SEC62: variants seen among roughly 807,000 people sequenced by gnomAD.
SEC62 encodes the protein translocation protein SEC62.
Under a neutral mutation model 47.5 loss-of-function variants are expected in SEC62, and 10 were observed. That is an observed-to-expected ratio of 0.21 (90% CI 0.13 to 0.36). The LOEUF (loss-of-function observed/expected upper bound fraction) is 0.36, where lower values mean the gene tolerates loss of function less well. SEC62 is among the 10% of genes least tolerant of loss of function. SEC62 has a pLI of 1.00. For missense variants in SEC62, 327 were observed against 464.1 expected (o/e 0.70, Z 2.71); for synonymous variants, 136 against 150.5 (o/e 0.90, Z 0.71).
chr3:169,994,531 G>C lies in SEC62; in HGVS notation c.*1468G>C, dbSNP rs1239385884. On this transcript the variant is annotated 3_prime_UTR_variant, in exon 8 of 8. Transcript: ENST00000337002. ...TTCTTTATAGTAGTCCCTGTAAGTG[G>C]ACATAAATGTGGCTATTTGATGTTA... 1.3e-5 allele frequency: 2 copies of C among 152,542 alleles called. No individual in the cohort carries two copies. The highest frequency in any genetic ancestry group is 2.9e-5 in the Non-Finnish European group (2 of 68,020). 9.4% of individuals were successfully genotyped at this position (152,542 alleles called of 1,614,324 possible).
rs1010703201 is a variant in SEC62 at position 169,997,909 on chromosome 3, A to G, written c.*4846A>G. ...ATAGCCAGATCTACGAGTGGATGTA[A>G]TAACTGCTATGATGTTGAAGTAGCA... On this transcript the variant is annotated 3_prime_UTR_variant, in exon 8 of 8. Coordinates refer to ENST00000337002, the MANE Select transcript of SEC62 (RefSeq NM_003262.4). 11 of 152,224 alleles carry G rather than the reference A, an allele frequency of 7.2e-5. No homozygotes were observed. The highest frequency in any genetic ancestry group is 5.9e-4 in the Admixed American group (9 of 15,284). 9.4% of individuals were successfully genotyped at this position (152,224 alleles called of 1,614,324 possible). A position where few individuals can be genotyped will look rare whatever the true frequency, so the allele number is the denominator to read the frequency against.
chr3:169,972,838 G>C (rs1320900863), intron 1 of SEC62, among the ~76,000 whole-genome samples: 1 of 152,044 alleles, frequency 6.6e-6, no homozygotes, highest in East Asian at 1.9e-4. Flanking sequence ...ACAAATCTTT[G>C]CTGTTAACTG....
At chr3:169,968,839 A>G (rs1327362509) in intron 1 of SEC62, among the ~76,000 whole-genome samples, 1 of 152,212 alleles carries the variant, frequency 6.6e-6, no homozygotes, top group Non-Finnish European at 1.5e-5. Context: ...TCTACTGGGC[A>G]TACTGCAAAA....
At chr3:169,976,195 G>A (rs1362351701) in intron 2 of SEC62, among the ~76,000 whole-genome samples, 6 of 152,164 alleles carry the variant, frequency 3.9e-5, no homozygotes, top group East Asian at 1.9e-4. Context: ...CCAGGAGTTC[G>A]AGACCAGCCT....
chr3:169,973,106 A>T (rs1362495164), intron 1 of SEC62, among the ~76,000 whole-genome samples: 1 of 152,176 alleles, frequency 6.6e-6, no homozygotes, highest in Non-Finnish European at 1.5e-5. Flanking sequence ...AGATGTATGG[A>T]TATATAGACT....
At chr3:169,984,132 A>G (rs1392191208) in intron 5 of SEC62, among the ~76,000 whole-genome samples, 1 of 152,178 alleles carries the variant, frequency 6.6e-6, no homozygotes, top group African/African-American at 2.4e-5. Context: ...AGTAACATCT[A>G]TAAAGTCATG....
rs774349665 is a variant in SEC62 at position 169,975,653 on chromosome 3, C to T, written c.82C>T (p.Leu28Phe). The change falls in exon 2 of 8, where the codon CTT becomes TTT. Residue 28 changes from leucine to phenylalanine, a missense_variant. Coordinates refer to ENST00000337002, the MANE Select transcript of SEC62 (RefSeq NM_003262.4). ...AGAAGAGAAGGCTGTGGCCAAGTAT[C>T]TTCGATTCAACTGTCCAACAAAGTC... ...SKEEKAVAKY[L>F]RFNCPTKSTN... is the part of the protein sequence containing the mutation. 3.1e-6 allele frequency: 5 copies of T among 1,613,860 alleles called. No homozygotes were observed. The highest frequency in any genetic ancestry group is 1.7e-4 in the Middle Eastern group (1 of 6,060).
At chr3:169,969,269 T>A (rs910033825) in intron 1 of SEC62, 1 of 454,576 alleles carries the variant, frequency 2.2e-6, no homozygotes, top group African/African-American at 2.0e-5. Context: ...GCTAATTTGC[T>A]TTTTCTTTGT....
chr3:169,975,533 G>C lies in SEC62; in HGVS notation c.37-75G>C. 4 of 973,696 alleles carry C rather than the reference G, an allele frequency of 4.1e-6. No individual in the cohort carries two copies. In the Middle Eastern group the frequency reaches 6.6e-4, roughly 160 times the overall value. 60.3% of individuals were successfully genotyped at this position (973,696 alleles called of 1,614,324 possible). ...TCCACTTGAAAAGATTCATAAAATA[G>C]ATTTGTAAATTATTATTCAGCGCAT... On this transcript the variant is annotated intron_variant, in intron 1 of 7. Transcript: ENST00000337002.
intron 7 of SEC62, among the ~76,000 whole-genome samples, chr3:169,991,354 T>G (rs894150939): frequency 6.6e-6 from 1 of 152,128 alleles, no homozygotes; most frequent in Non-Finnish European, 1.5e-5. Context: ...GCCAGGAGTT[T>G]AAGACTGGCC....
chr3:169,980,081 G>A lies in SEC62; in HGVS notation c.252-2626G>A, dbSNP rs75052904. ...TACTCAACAAATAGTCTAGGCTCCA[G>A]GAATACAATAATAACTATGACTTGG... On this transcript the variant is annotated intron_variant, in intron 3 of 7. Transcript: ENST00000337002. 5.7e-3 allele frequency among the ~76,000 whole-genome samples: 863 copies of A among 152,172 alleles called. 7 individuals are homozygous for A. The highest frequency in any genetic ancestry group is 0.02 in the African/African-American group (825 of 41,514).
At chr3:169,982,616 T>G (rs576588144) in intron 3 of SEC62, 91 bp from the exon 4 acceptor site, 14 of 1,479,250 alleles carry the variant, frequency 9.5e-6, no homozygotes, top group Middle Eastern at 1.8e-4. Context: ...ATTTATGCCT[T>G]CCTTTGCTTA....
rs747510631 is a variant in SEC62 at position 169,988,344 on chromosome 3, C to A, written c.715C>A (p.Leu239Ile). 4.3e-6 allele frequency: 7 copies of A among 1,613,528 alleles called. No individual in the cohort carries two copies. The South Asian group carries it at 7.7e-5, about 18-fold the overall frequency. ...VGAGCFVASI[L>I]LLAVARCILF... is the part of the protein sequence containing the mutation. ...TGCAGGCTGTTTTGTAGCCAGTATTCTTCTCCTTGCTGTTGGTAAGTATTG... is the reference window on the plus strand; with the variant it reads ...TGCAGGCTGTTTTGTAGCCAGTATTATTCTCCTTGCTGTTGGTAAGTATTG... Residue 239 changes from leucine to isoleucine, a missense_variant, in exon 7 of 8, where the codon CTT becomes ATT. Around this residue, in one of 3 missense-constraint regions of SEC62, gnomAD observed 99 missense variants for 194.0 expected, o/e 0.51. Coordinates refer to ENST00000337002, the MANE Select transcript of SEC62 (RefSeq NM_003262.4).
At position 169,993,635 on chromosome 3, in the gene SEC62, A is replaced by C. The variant is rs1715301725; in HGVS notation, c.*572A>C. ...ATGCAGCAACACTTCTGGTTTAGCT[A>C]AATTATTTTTCCAATGTAGGAAATC... On this transcript the variant is annotated 3_prime_UTR_variant, in exon 8 of 8. Coordinates refer to ENST00000337002, the MANE Select transcript of SEC62 (RefSeq NM_003262.4). The C allele has an allele frequency of 6.6e-6, 1 of 152,634 alleles. No homozygotes were observed. Among genetic ancestry groups the C allele is most frequent in the South Asian group, 2.1e-4 (1 of 4,834 alleles). 9.5% of individuals were successfully genotyped at this position (152,634 alleles called of 1,614,324 possible).
intron 1 of SEC62, among the ~76,000 whole-genome samples, chr3:169,972,045 G>A (rs1209638728): frequency 1.3e-5 from 2 of 152,052 alleles, no homozygotes; most frequent in Admixed American, 6.6e-5. Context: ...TTATAGTCCA[G>A]TATCACACTA....
chr3:169,983,386 T>G (rs2108285193), intron 5 of SEC62, 133 bp downstream of exon 5: 1 of 464,672 alleles, frequency 2.2e-6, no homozygotes, highest in East Asian at 3.6e-5. Context: ...AGCTACTCCA[T>G]TTTTAAAAAT....
At position 169,993,075 on chromosome 3, in the gene SEC62, T is replaced by G; in HGVS notation, c.*12T>G. 1 of 1,562,254 alleles carries G rather than the reference T, an allele frequency of 6.4e-7. No individual in the cohort carries two copies. The highest frequency in any genetic ancestry group is 2.3e-5 in the East Asian group (1 of 43,012). On this transcript the variant is annotated 3_prime_UTR_variant, in exon 8 of 8. Transcript: ENST00000337002. ...ATGAAAAATCATAATCTGACTAATT[T>G]TGGGACTGAATGAATAAGTACAAGA...
chr3:169,981,478 AG>A (rs1450332409), intron 3 of SEC62, among the ~76,000 whole-genome samples: 8 of 152,266 alleles, frequency 5.3e-5, no homozygotes, highest in African/African-American at 1.9e-4. Flanking sequence ...GTGAGGTGTA[AG>A]TAGAAAGGTA....
At position 169,976,972 on chromosome 3, in the gene SEC62, G is replaced by T. The variant is rs767004839; in HGVS notation, c.172G>T (p.Asp58Tyr). The T allele has an allele frequency of 1.9e-6, 3 of 1,609,100 alleles. No homozygotes were observed. Among genetic ancestry groups the T allele is most frequent in the Non-Finnish European group, 2.5e-6 (3 of 1,176,810 alleles). The change falls in exon 3 of 8, where the codon GAT becomes TAT. Residue 58 changes from aspartate (D) to tyrosine (Y), a missense_variant. This residue lies in a region of SEC62 where 126 missense variants were observed against 161.2 expected (regional missense o/e 0.78). Coordinates refer to ENST00000337002, the MANE Select transcript of SEC62 (RefSeq NM_003262.4). The part of the protein sequence containing the change: ...IASKAVDCLL[D>Y]SKWAKAKKGE... ...TTCAAAAGCAGTGGACTGTCTTTTGGATTCAAAGTGGGCAAAGGCCAAGAA... is the reference window on the plus strand; with the variant it reads ...TTCAAAAGCAGTGGACTGTCTTTTGTATTCAAAGTGGGCAAAGGCCAAGAA...
Sources: gnomAD v4.1 joint callset for allele counts (sites outside exome capture counted in the v4.1 genomes callset) on GRCh38, gnomAD v4.1.1 for gene constraint, gnomAD v4.1.1 regional missense constraint, MANE v1.5 for transcripts, NCBI Gene and HGNC (gene_info 2026-07-23, HGNC 2026-07-21) for gene names.